Variants in COL5A1 observed in about 807,000 individuals in gnomAD.
The protein encoded by COL5A1 is collagen alpha-1(V) chain.
Under a neutral mutation model 263.7 loss-of-function variants are expected in COL5A1, and 16 were observed. The ratio of observed to expected loss-of-function variants is 0.06; its 90% CI spans 0.04 to 0.09. The LOEUF (loss-of-function observed/expected upper bound fraction) is 0.09, where lower values mean the gene tolerates loss of function less well. COL5A1 is among the 10% of genes least tolerant of loss of function. The pLI is 1.00. For synonymous variants in COL5A1, 1,012 were observed against 1,004.5 expected, an observed-to-expected ratio of 1.01 and a Z score of -0.14; for missense variants, 2,036 against 2,540.5, an observed-to-expected ratio of 0.80 and a Z score of 4.27.
intron 49 of COL5A1, 110 bp from the exon 50 acceptor site, chr9:134,814,687 A>G (rs907884953): frequency 3.6e-6 from 3 of 842,990 alleles, no homozygotes; most frequent in African/African-American, 1.7e-5. Context: ...GGCTCAGCAG[A>G]TACTTGGAAA....
chr9:134,829,221 C>T (rs1004284669), intron 63 of COL5A1, among the ~76,000 whole-genome samples: 1 of 152,240 alleles, frequency 6.6e-6, no homozygotes, highest in Non-Finnish European at 1.5e-5. Context: ...AAACGAGAGG[C>T]AGAGCGCACC....
chr9:134,654,119 AG>A, intron 1 of COL5A1, among the ~76,000 whole-genome samples: 1 of 18,798 alleles, frequency 5.3e-5, no homozygotes, highest in Admixed American at 6.1e-4. Context: ...TGTAGGGCTT[AG>A]GGTGTGTAGT....
rs779233291 is a variant in COL5A1 at position 134,730,287 on chromosome 9, G to C, written c.976G>C (p.Gly326Arg). 6.2e-7 allele frequency: 1 copy of C among 1,614,208 alleles called. No homozygotes were observed. The highest frequency in any genetic ancestry group is 8.5e-7 in the Non-Finnish European group (1 of 1,180,040). ...TGCTCCCATGCCTGAAACCAGTGAA[G>C]GGGCTGGGAAGGAAGAGGACGTCGG... Reference protein sequence around the residue: ...EAAPMPETSEGAGKEEDVGIG... With the variant: ...EAAPMPETSERAGKEEDVGIG... Residue 326 changes from glycine to arginine, a missense_variant, in exon 7 of 66, where the codon GGG becomes CGG. Gly to Arg is a moderately radical substitution (Grantham distance 125). Around this residue, in one of 3 missense-constraint regions of COL5A1, gnomAD observed 600 missense variants for 634.5 expected, o/e 0.95. Coordinates refer to ENST00000371817, the MANE Select transcript of COL5A1 (RefSeq NM_000093.5).
rs1447417088 is a variant in COL5A1 at position 134,642,868 on chromosome 9, T to G, written c.109+572T>G. ...TCCTGCAGCCTTGGTCACCTAAGTG[T>G]TCGGGGGCACTGGGGACCCCTGCAG... On this transcript the variant is annotated intron_variant, in intron 1 of 65. Transcript: ENST00000371817. This position sits in a 1 kb window ranked among gnomAD's most constrained non-coding sequence, Gnocchi z 4.5. Among the ~76,000 whole-genome samples, 1 of 152,170 alleles carries G rather than the reference T, an allele frequency of 6.6e-6. No homozygotes were observed. The highest frequency in any genetic ancestry group is 2.4e-5 in the African/African-American group (1 of 41,446).
In COL5A1 at chr9:134,774,910, A is replaced by G. The variant is rs2132748056; in HGVS notation, c.2383A>G (p.Lys795Glu). The G allele has an allele frequency of 1.2e-6, 2 of 1,613,456 alleles. No individual in the cohort carries two copies. The highest frequency in any genetic ancestry group is 8.5e-7 in the Non-Finnish European group (1 of 1,179,732). Residue 795 changes from lysine to glutamate, a missense_variant and splice_region_variant, in exon 27 of 66, where the codon AAG (lysine) becomes GAG (glutamate). Around this residue, in one of 3 missense-constraint regions of COL5A1, gnomAD observed 1,078 missense variants for 1,521.4 expected, o/e 0.71. Transcript: ENST00000371817. ...TGGCTACCCAGGTCCTCGAGGAGTC[A>G]AGGTGAGAGAGACTCACGCCACTCC... ...PIGYPGPRGV[K>E]GADGIRGLKG...
intron 4 of COL5A1, among the ~76,000 whole-genome samples, chr9:134,717,558 A>G (rs1204133320): frequency 6.6e-6 from 1 of 152,138 alleles, no homozygotes; most frequent in East Asian, 1.9e-4. Flanking sequence ...CGTCCCTCCC[A>G]GTCAGCGTGT....
At chr9:134,723,489 C>T (rs1033692039) in intron 4 of COL5A1, among the ~76,000 whole-genome samples, 5 of 152,214 alleles carry the variant, frequency 3.3e-5, no homozygotes, top group African/African-American at 7.2e-5. Context: ...TCAGGGGCCC[C>T]GCTGCACACA....
intron 25 of COL5A1, among the ~76,000 whole-genome samples, chr9:134,771,510 GCTGCTAGGATAGGCTGT>G (rs955125390): frequency 6.6e-5 from 10 of 152,028 alleles, no homozygotes; most frequent in Non-Finnish European, 1.0e-4. Flanking sequence ...CCACTCACTT[GCTGCTAGGATAGGCTGT>G]CTGCTAGGAT....
intron 1 of COL5A1, among the ~76,000 whole-genome samples, chr9:134,643,145 T>A (rs1319542171): frequency 6.6e-6 from 1 of 152,062 alleles, no homozygotes; most frequent in Admixed American, 6.5e-5. Flanking sequence ...CCTGCCTGGG[T>A]TCTCGAGGGT....
chr9:134,759,983 G>GCACACACA (rs1836247612), intron 18 of COL5A1, among the ~76,000 whole-genome samples: 1 of 56,438 alleles, frequency 1.8e-5, no homozygotes, highest in Non-Finnish European at 3.2e-5. Context: ...GCACACACAT[G>GCACACACA]CACACCCACA....
chr9:134,720,217 G>A (rs551176735), intron 4 of COL5A1, among the ~76,000 whole-genome samples: 1 of 152,170 alleles, frequency 6.6e-6, no homozygotes, highest in Admixed American at 6.5e-5. Flanking sequence ...TTCTTTGGCT[G>A]TGCGTGCGCG....
At chr9:134,820,898 C>G (rs984558342) in intron 58 of COL5A1, among the ~76,000 whole-genome samples, 5 of 152,134 alleles carry the variant, frequency 3.3e-5, no homozygotes, top group African/African-American at 1.2e-4. Flanking sequence ...GTGTGACGGA[C>G]ACACACACGC....
At chr9:134,653,530 C>G (rs997022417) in intron 1 of COL5A1, 1 of 152,478 alleles carries the variant, frequency 6.6e-6, no homozygotes, top group African/African-American at 2.4e-5. Flanking sequence ...AAACTCACCT[C>G]AGCTTGCTGG....
At chr9:134,753,583 A>G (rs1835866687) in intron 14 of COL5A1, among the ~76,000 whole-genome samples, 1 of 152,238 alleles carries the variant, frequency 6.6e-6, no homozygotes, top group African/African-American at 2.4e-5. Flanking sequence ...AAACATCTCC[A>G]GGAGCTTTGT....
intron 27 of COL5A1, 46 bp downstream of exon 27, chr9:134,774,958 T>G: frequency 6.4e-7 from 1 of 1,568,604 alleles, no homozygotes; most frequent in Non-Finnish European, 8.7e-7. Context: ...AGGTCAGGGT[T>G]GGGACTGTGG....
intron 61 of COL5A1, 58 bp from the exon 62 acceptor site, chr9:134,824,542 T>C (rs917645411): frequency 1.2e-6 from 2 of 1,607,544 alleles, no homozygotes; most frequent in Non-Finnish European, 8.5e-7. Flanking sequence ...GCTCTGCTCA[T>C]ATCCTGGGAC....
At chr9:134,728,953 C>A in intron 6 of COL5A1, 146 bp downstream of exon 6, 1 of 1,040,988 alleles carries the variant, frequency 9.6e-7, no homozygotes, top group Non-Finnish European at 1.4e-6. Context: ...AGGGAGCCGG[C>A]TGTTGCCATC....
In COL5A1 at chr9:134,842,305, A is replaced by G; in HGVS notation, c.*2A>G. On this transcript the variant is annotated 3_prime_UTR_variant, in exon 66 of 66. Transcript: ENST00000371817. The surrounding 1 kb of genome is among the most constrained non-coding windows in gnomAD (Gnocchi z 5.8). ...GGGCCGGCTTGCTTCATGGGCTAGGAGCCGCCGAGCCCGGGCTCCCGAGAG... is the reference window on the plus strand; with the variant it reads ...GGGCCGGCTTGCTTCATGGGCTAGGGGCCGCCGAGCCCGGGCTCCCGAGAG... 1 of 1,613,994 alleles carries G rather than the reference A, an allele frequency of 6.2e-7. No individual in the cohort carries two copies.
At chr9:134,819,432 C>T (rs1424235050) in intron 57 of COL5A1, among the ~76,000 whole-genome samples, 2 of 152,166 alleles carry the variant, frequency 1.3e-5, no homozygotes, top group Admixed American at 6.5e-5. Flanking sequence ...GGAGCAAAGC[C>T]CTTTTATTTT....
Sources: gnomAD v4.1 joint callset for allele counts (sites outside exome capture counted in the v4.1 genomes callset) on GRCh38, gnomAD v4.1.1 for gene constraint, gnomAD v4.1.1 regional missense constraint, Gnocchi (gnomAD v3.1) non-coding constraint, MANE v1.5 for transcripts, NCBI Gene and HGNC (gene_info 2026-07-23, HGNC 2026-07-21) for gene names.